XRCC5: variants seen among roughly 807,000 people sequenced by gnomAD.
The protein encoded by XRCC5 is X-ray repair cross complementing 5.
Under a neutral mutation model 95.7 loss-of-function variants are expected in XRCC5, and 12 were observed. The ratio of observed to expected loss-of-function variants is 0.13; its 90% CI spans 0.08 to 0.20. The LOEUF is 0.20. Among genes scored for constraint, XRCC5 ranks in the 10% least tolerant of loss-of-function variants. XRCC5 has a pLI of 1.00. For missense variants in XRCC5, 595 were observed against 873.9 expected (o/e 0.68, Z 4.02); for synonymous variants, 281 against 290.3 (o/e 0.97, Z 0.33).
rs758604305 is a variant in XRCC5 at position 216,141,228 on chromosome 2, G to A, written c.1385G>A (p.Ser462Asn). Reference sequence around the variant, plus strand: ...GTTGATGCTTTGATTGACTCCATGAGCTTGGCAAAGAAAGATGAGAAGACA... The same window carrying A: ...GTTGATGCTTTGATTGACTCCATGAACTTGGCAAAGAAAGATGAGAAGACA... The part of the protein sequence containing the change: ...NAVDALIDSM[S>N]LAKKDEKTDT... Residue 462 changes from serine to asparagine, a missense_variant, in exon 13 of 21, where the codon AGC (serine) becomes AAC (asparagine). Ser to Asn is a conservative substitution (Grantham distance 46). This residue lies in a region of XRCC5 where 309 missense variants were observed against 382.9 expected (regional missense o/e 0.81). Transcript: ENST00000392132. 1 of 1,614,092 alleles carries A rather than the reference G, an allele frequency of 6.2e-7. No homozygotes were observed. Among genetic ancestry groups the A allele is most frequent in the Non-Finnish European group, 8.5e-7 (1 of 1,179,978 alleles).
At chr2:216,151,602 A>G (rs923520311) in intron 14 of XRCC5, among the ~76,000 whole-genome samples, 2 of 152,200 alleles carry the variant, frequency 1.3e-5, no homozygotes, top group Non-Finnish European at 2.9e-5. Flanking sequence ...CCTCATGGGT[A>G]AAATAGGGAT....
intron 16 of XRCC5, among the ~76,000 whole-genome samples, chr2:216,164,196 A>G (rs1375896311): frequency 6.6e-6 from 1 of 152,212 alleles, no homozygotes; most frequent in Non-Finnish European, 1.5e-5. Context: ...TGTGTTTTTG[A>G]AGGAAAATTG....
chr2:216,189,877 A>T (rs1050855117), intron 16 of XRCC5, among the ~76,000 whole-genome samples: 1 of 152,198 alleles, frequency 6.6e-6, no homozygotes, highest in Admixed American at 6.5e-5. Flanking sequence ...GAATTATCCA[A>T]ATGGCCCCTA....
chr2:216,189,916 ACAG>A (rs1400622265), intron 16 of XRCC5, among the ~76,000 whole-genome samples: 1 of 152,204 alleles, frequency 6.6e-6, no homozygotes, highest in Admixed American at 6.5e-5. Flanking sequence ...AATAACAACA[ACAG>A]CAGTTTTAAA....
chr2:216,158,698 A>G (rs1461675689), intron 14 of XRCC5, among the ~76,000 whole-genome samples: 1 of 152,036 alleles, frequency 6.6e-6, no homozygotes, highest in African/African-American at 2.4e-5. Context: ...GCTCTTGTCT[A>G]CTTCTCAAAG....
At chr2:216,134,140 G>A (rs575699605) in intron 10 of XRCC5, among the ~76,000 whole-genome samples, 1 of 152,302 alleles carries the variant, frequency 6.6e-6, no homozygotes, top group South Asian at 2.1e-4. Flanking sequence ...ATCACCACTA[G>A]TCAGATGTAC....
intron 8 of XRCC5, among the ~76,000 whole-genome samples, chr2:216,128,369 C>A (rs765281554): frequency 3.3e-5 from 5 of 152,156 alleles, no homozygotes; most frequent in Non-Finnish European, 7.4e-5. Context: ...GAAAAGAATT[C>A]TTTTCCTCTG....
chr2:216,148,018 CAG>C, intron 13 of XRCC5, 63 bp from the exon 14 acceptor site: 1 of 1,514,552 alleles, frequency 6.6e-7, no homozygotes, highest in Non-Finnish European at 8.9e-7. Context: ...GATCCCTGAT[CAG>C]AAAATATAAA....
intron 16 of XRCC5, among the ~76,000 whole-genome samples, chr2:216,183,640 A>G (rs1257243656): frequency 2.0e-5 from 3 of 152,218 alleles, no homozygotes; most frequent in African/African-American, 2.4e-5. Context: ...TCTCTGTCGT[A>G]TCTACTGATT....
chr2:216,142,532 A>G (rs1697189316), intron 13 of XRCC5, among the ~76,000 whole-genome samples: 1 of 152,098 alleles, frequency 6.6e-6, no homozygotes, highest in Admixed American at 6.6e-5. Flanking sequence ...GGAGAAAGGA[A>G]TATTCCAGTC....
At chr2:216,153,407 A>T (rs1688782203) in intron 14 of XRCC5, among the ~76,000 whole-genome samples, 2 of 152,236 alleles carry the variant, frequency 1.3e-5, no homozygotes, top group Admixed American at 1.3e-4. Flanking sequence ...AGAAACAGCA[A>T]ACATTTATTG....
intron 10 of XRCC5, among the ~76,000 whole-genome samples, chr2:216,133,305 G>C (rs908936053): frequency 3.3e-5 from 5 of 152,218 alleles, no homozygotes; most frequent in African/African-American, 1.2e-4. Context: ...TGGAAGTCTA[G>C]TATATACTGT....
chr2:216,163,572 C>A (rs2106028698), intron 16 of XRCC5, among the ~76,000 whole-genome samples: 1 of 152,166 alleles, frequency 6.6e-6, no homozygotes, highest in South Asian at 2.1e-4. Context: ...TTACTGTGAG[C>A]CACGGTGGCA....
At chr2:216,180,280 G>A (rs1472533125) in intron 16 of XRCC5, among the ~76,000 whole-genome samples, 1 of 152,212 alleles carries the variant, frequency 6.6e-6, no homozygotes, top group East Asian at 1.9e-4. Flanking sequence ...GCAATAGGAT[G>A]GAAGGCAGAC....
At chr2:216,141,783 T>C (rs1395559359) in intron 13 of XRCC5, among the ~76,000 whole-genome samples, 2 of 152,112 alleles carry the variant, frequency 1.3e-5, no homozygotes, top group Non-Finnish European at 2.9e-5. Context: ...CCACGTGCGG[T>C]GGTTCATGCC....
intron 16 of XRCC5, among the ~76,000 whole-genome samples, chr2:216,172,017 A>G (rs754442355): frequency 6.6e-6 from 1 of 152,202 alleles, no homozygotes; most frequent in African/African-American, 2.4e-5. Context: ...GTTCATAGTC[A>G]GTTTGGGTCT....
At chr2:216,143,842 G>A (rs1339045635) in intron 13 of XRCC5, among the ~76,000 whole-genome samples, 1 of 151,724 alleles carries the variant, frequency 6.6e-6, no homozygotes, top group South Asian at 2.1e-4. Flanking sequence ...GAGTAGCTGG[G>A]ACTACAGATG....
At chr2:216,190,161 A>G in intron 16 of XRCC5, 64 bp from the exon 17 acceptor site, 1 of 1,416,978 alleles carries the variant, frequency 7.1e-7, no homozygotes, top group Middle Eastern at 1.8e-4. Context: ...AGGCACAAAC[A>G]CAGAAGCATA....
chr2:216,141,041 A>T, intron 12 of XRCC5, 145 bp from the exon 13 acceptor site: 1 of 860,798 alleles, frequency 1.2e-6, no homozygotes, highest in South Asian at 2.3e-5. Flanking sequence ...ACTTGGGTTA[A>T]ATACGTGCAT....
Sources: allele counts gnomAD v4.1 joint callset (sites outside exome capture counted in the v4.1 genomes callset), GRCh38; gene constraint gnomAD v4.1.1; regional missense constraint gnomAD v4.1.1; transcripts MANE v1.5; gene names NCBI Gene and HGNC (gene_info 2026-07-23, HGNC 2026-07-21).